The following MBD5 variants were observed in gnomAD, a reference collection of about 807,000 sequenced individuals.
The protein encoded by MBD5 is methyl-CpG-binding domain protein 5.
Under a neutral mutation model 117.3 loss-of-function variants are expected in MBD5, and 13 were observed. The ratio of observed to expected loss-of-function variants is 0.11; its 90% CI spans 0.07 to 0.18. The LOEUF (loss-of-function observed/expected upper bound fraction) is 0.18, where lower values mean the gene tolerates loss of function less well. Ranked by LOEUF, MBD5 falls within the 10% of genes least tolerant of loss-of-function variation. The pLI, the probability that MBD5 is intolerant of heterozygous loss-of-function variation, is 1.00. For synonymous variants in MBD5, 727 were observed against 766.4 expected, an observed-to-expected ratio of 0.95 and a Z score of 0.85; for missense variants, 1,879 against 2,093.8, an observed-to-expected ratio of 0.90 and a Z score of 2.00.
chr2:148,412,272 T>TTTTTTTTTTGTGTGTG (rs946184910), intron 4 of MBD5, among the ~76,000 whole-genome samples: 10 of 144,478 alleles, frequency 6.9e-5, no homozygotes, highest in African/African-American at 2.4e-4. Flanking sequence ...AGTATACTTT[T>TTTTTTTTTTGTGTGTG]TGTGTGTGTG....
chr2:148,499,427 A>G (rs1681806138), intron 11 of MBD5, among the ~76,000 whole-genome samples: 1 of 152,240 alleles, frequency 6.6e-6, no homozygotes, highest in South Asian at 2.1e-4. Flanking sequence ...CATGATGGCC[A>G]GTACTATTAG....
At chr2:148,051,973 T>C (rs1694719543) in intron 1 of MBD5, among the ~76,000 whole-genome samples, 1 of 152,002 alleles carries the variant, frequency 6.6e-6, no homozygotes, top group African/African-American at 2.4e-5. Flanking sequence ...AGCCATCTAG[T>C]CCTGGGCTTT....
chr2:148,361,356 A>G (rs1485815356), intron 4 of MBD5, among the ~76,000 whole-genome samples: 4 of 139,994 alleles, frequency 2.9e-5, no homozygotes, highest in African/African-American at 9.0e-5. Context: ...TCTCAAAAAC[A>G]CAAACAAAAC....
intron 3 of MBD5, among the ~76,000 whole-genome samples, chr2:148,314,376 GT>G (rs67471940): frequency 0.29 from 30,887 of 105,528 alleles, 2,830 homozygotes; most frequent in East Asian, 0.46. Context: ...CAGTGTTATG[GT>G]TTTTTTTTTT....
At chr2:148,240,593 A>G (rs1322687284) in intron 3 of MBD5, among the ~76,000 whole-genome samples, 3 of 152,130 alleles carry the variant, frequency 2.0e-5, no homozygotes, top group Non-Finnish European at 4.4e-5. Context: ...TATTCTAGTA[A>G]AGCTCATTCT....
chr2:148,323,227 T>G (rs1363817193), intron 3 of MBD5, among the ~76,000 whole-genome samples: 7 of 152,202 alleles, frequency 4.6e-5, no homozygotes, highest in African/African-American at 1.4e-4. Flanking sequence ...TGCCACATTT[T>G]CTTAATCCAG....
chr2:148,091,483 G>T (rs1246426087), intron 1 of MBD5, among the ~76,000 whole-genome samples: 4 of 151,974 alleles, frequency 2.6e-5, no homozygotes, highest in African/African-American at 9.7e-5. Flanking sequence ...GAATAGAATA[G>T]AACACCCAGA....
chr2:148,462,085 C>T (rs1266906590), intron 5 of MBD5, among the ~76,000 whole-genome samples: 1 of 152,138 alleles, frequency 6.6e-6, no homozygotes, highest in Non-Finnish European at 1.5e-5. Context: ...ATAGGGACAA[C>T]TTGGTTCTAG....
chr2:148,242,842 G>A (rs983164574), intron 3 of MBD5, among the ~76,000 whole-genome samples: 1 of 152,178 alleles, frequency 6.6e-6, no homozygotes, highest in Non-Finnish European at 1.5e-5. Context: ...CTGCCTATTA[G>A]AATCATATTT....
At chr2:148,286,434 T>C (rs16828517) in intron 3 of MBD5, among the ~76,000 whole-genome samples, 33,156 of 152,140 alleles carry the variant, frequency 0.22, 4,197 homozygotes, top group East Asian at 0.54. Context: ...TAACTTCTCA[T>C]TGATTTTAAT....
chr2:148,033,493 T>G (rs1199989696), intron 1 of MBD5, among the ~76,000 whole-genome samples: 1 of 152,198 alleles, frequency 6.6e-6, no homozygotes, highest in Non-Finnish European at 1.5e-5. Flanking sequence ...ATCTTAAGTT[T>G]TAAGCCTCTT....
At chr2:148,503,320 C>T (rs886892893) in intron 12 of MBD5, among the ~76,000 whole-genome samples, 1 of 152,098 alleles carries the variant, frequency 6.6e-6, no homozygotes, top group Non-Finnish European at 1.5e-5. Flanking sequence ...CACATTTCCC[C>T]CCAAATATTG....
Position 148,469,299 on chromosome 2 carries a change from G to A in MBD5, c.1356G>A (p.Arg452=), listed in dbSNP as rs759198432. The change falls in exon 8 of 14, where the codon AGG becomes AGA. Residue 452 remains arginine (R), a synonymous_variant. Coordinates refer to ENST00000642680, the MANE Select transcript of MBD5 (RefSeq NM_001378120.1). The part of the protein sequence containing the change: ...PVHMMGTGIG[R]IEASPQRSRS... ...ACATGATGGGGACTGGAATTGGAAGGATTGAGGCATCGCCCCAAAGATCAC... is the reference window on the plus strand; with the variant it reads ...ACATGATGGGGACTGGAATTGGAAGAATTGAGGCATCGCCCCAAAGATCAC... The A allele has an allele frequency of 3.7e-6, 6 of 1,613,868 alleles. No homozygotes were observed. The highest frequency in any genetic ancestry group is 5.1e-6 in the Non-Finnish European group (6 of 1,179,946).
chr2:148,446,245 C>G (rs972989183), intron 4 of MBD5, among the ~76,000 whole-genome samples: 17 of 152,024 alleles, frequency 1.1e-4, no homozygotes, highest in African/African-American at 4.1e-4. Context: ...AGGTTTTCTT[C>G]TAGGGTTTTT....
intron 1 of MBD5, among the ~76,000 whole-genome samples, chr2:148,131,613 G>C (rs1033232531): frequency 1.3e-5 from 2 of 152,166 alleles, no homozygotes; most frequent in Non-Finnish European, 2.9e-5. Context: ...GGAGGATGAT[G>C]AGCCCAGGAG....
At chr2:148,494,097 C>G (rs936270843) in intron 11 of MBD5, among the ~76,000 whole-genome samples, 4 of 152,154 alleles carry the variant, frequency 2.6e-5, no homozygotes, top group African/African-American at 4.8e-5. Context: ...ACCTCCTATC[C>G]TCTGCCCTTT....
intron 3 of MBD5, among the ~76,000 whole-genome samples, chr2:148,316,891 T>C (rs1238857351): frequency 2.6e-5 from 4 of 152,232 alleles, no homozygotes; most frequent in Non-Finnish European, 5.9e-5. Context: ...GTCAGTTTTT[T>C]GTGTTGAGCT....
At chr2:148,165,800 A>T (rs2105771876) in intron 1 of MBD5, among the ~76,000 whole-genome samples, 1 of 152,266 alleles carries the variant, frequency 6.6e-6, no homozygotes, top group South Asian at 2.1e-4. Flanking sequence ...GGAACATTTA[A>T]TATTTGATTA....
At chr2:148,283,491 C>T (rs1022995972) in intron 3 of MBD5, among the ~76,000 whole-genome samples, 4 of 152,106 alleles carry the variant, frequency 2.6e-5, no homozygotes, top group South Asian at 2.1e-4. Flanking sequence ...TTTAGCAATT[C>T]GAAGCAGAAA....
Sources: gnomAD v4.1 joint callset for allele counts (sites outside exome capture counted in the v4.1 genomes callset) on GRCh38, gnomAD v4.1.1 for gene constraint, MANE v1.5 for transcripts, NCBI Gene and HGNC (gene_info 2026-07-23, HGNC 2026-07-21) for gene names.